Variants in GLYAT observed in about 807,000 individuals in gnomAD.
GLYAT encodes glycine-N-acyltransferase, also known as glycine N-acyltransferase.
GLYAT carries 25 observed loss-of-function variants against 22.8 expected under a neutral mutation model. The observed-to-expected ratio is 1.09, with a 90% CI of 0.80 to 1.53. GLYAT has a LOEUF of 1.53. GLYAT is among the 40% of genes most tolerant of loss of function. The pLI, the probability that GLYAT is intolerant of heterozygous loss-of-function variation, is 0.00. For missense variants in GLYAT, 411 were observed against 353.9 expected (o/e 1.16, Z -1.29); for synonymous variants, 140 against 122.7 (o/e 1.14, Z -0.93).
At chr11:58,712,171 C>T (rs1244776741) in intron 4 of GLYAT, among the ~76,000 whole-genome samples, 1 of 152,228 alleles carries the variant, frequency 6.6e-6, no homozygotes, top group Non-Finnish European at 1.5e-5. Context: ...ATGCAGCAAA[C>T]ATTAACTAAT....
chr11:58,728,053 CTTTT>C (rs1173955703), intron 1 of GLYAT, among the ~76,000 whole-genome samples: 13 of 68,672 alleles, frequency 1.9e-4, no homozygotes, highest in Middle Eastern at 8.5e-3. Context: ...TGCTCTAAAG[CTTTT>C]TTTTTTTTTT....
intron 2 of GLYAT, among the ~76,000 whole-genome samples, chr11:58,720,430 G>A (rs1331861174): frequency 6.6e-6 from 1 of 151,980 alleles, no homozygotes; most frequent in Non-Finnish European, 1.5e-5. Flanking sequence ...AACTGACATT[G>A]CAAGATTATA....
chr11:58,722,241 C>A (rs1346303542), intron 2 of GLYAT, among the ~76,000 whole-genome samples: 1 of 151,966 alleles, frequency 6.6e-6, no homozygotes, highest in African/African-American at 2.4e-5. Context: ...CATCTCCACT[C>A]AGAATGCTCC....
intron 1 of GLYAT, among the ~76,000 whole-genome samples, chr11:58,728,214 C>CA (rs1856829993): frequency 6.6e-6 from 1 of 151,938 alleles, no homozygotes; most frequent in South Asian, 2.1e-4. Context: ...AGGCACGCAA[C>CA]ACCACACCCA....
chr11:58,709,966 C>T lies in GLYAT; in HGVS notation c.691G>A (p.Ala231Thr), dbSNP rs768718220. The T allele has an allele frequency of 1.2e-6, 2 of 1,614,062 alleles. No individual in the cohort carries two copies. The highest frequency in any genetic ancestry group is 1.1e-5 in the South Asian group (1 of 91,086). The change falls in exon 6 of 6, where the codon GCA (alanine) becomes ACA (threonine). Residue 231 changes from alanine (A) to threonine (T), a missense_variant. By Grantham distance (58) the Ala-to-Thr change is moderately conservative (BLOSUM62 0). Transcript: ENST00000344743. The stretch of plus-strand genomic sequence containing the variant: ...AGCCGGTATTCCGGCAAGGTGCCTG[C>T]CATTCTCATCTCTCCAGTCTGGTCC... The part of the protein sequence containing the change: ...LMDQTGEMRM[A>T]GTLPEYRLHG...
chr11:58,728,893 G>GAAAGAAAGAAAGAAAGAAA (rs1590676106), intron 1 of GLYAT, among the ~76,000 whole-genome samples: 354 of 59,692 alleles, frequency 5.9e-3, no homozygotes, highest in Admixed American at 0.014. Flanking sequence ...AAAGAAAGAA[G>GAAAGAAAGAAAGAAAGAAA]GAAGGAAGGA....
At chr11:58,724,832 G>A (rs2134494820) in intron 1 of GLYAT, among the ~76,000 whole-genome samples, 1 of 152,168 alleles carries the variant, frequency 6.6e-6, no homozygotes, top group African/African-American at 2.4e-5. Context: ...CTGAGAACGA[G>A]CTGTGTAACC....
chr11:58,711,890 A>C (rs1483916014), intron 4 of GLYAT, among the ~76,000 whole-genome samples: 1 of 152,218 alleles, frequency 6.6e-6, no homozygotes, highest in Admixed American at 6.5e-5. Context: ...CCTGGTTAAG[A>C]CCAATTATGT....
rs138554074 is a variant in GLYAT at position 58,715,353 on chromosome 11, G to T, written c.152C>A (p.Pro51His). ...FNLKAVVDKW[P>H]DFNTVVVCPQ... ...GCAGACAACCACTGTATTAAAATCA[G>T]GCCACTTGTCCACCACAGCCTTCAG... The change falls in exon 3 of 6, where the codon CCT (proline) becomes CAT (histidine). Residue 51 changes from proline to histidine, a missense_variant. Transcript: ENST00000344743. 1 of 1,595,724 alleles carries T rather than the reference G, an allele frequency of 6.3e-7. No individual in the cohort carries two copies. The highest frequency in any genetic ancestry group is 2.2e-5 in the East Asian group (1 of 44,748).
chr11:58,710,203 AG>A, intron 5 of GLYAT, 35 bp from the exon 6 acceptor site: 1 of 1,569,400 alleles, frequency 6.4e-7, no homozygotes, highest in Non-Finnish European at 8.6e-7. Context: ...AAAATCCATT[AG>A]TATAAAGGTT....
intron 1 of GLYAT, among the ~76,000 whole-genome samples, chr11:58,726,455 T>C (rs1398828324): frequency 6.6e-6 from 1 of 152,084 alleles, no homozygotes. Context: ...GTCTCACTGA[T>C]GGGCAGCCTA....
At chr11:58,726,171 T>C (rs1856809915) in intron 1 of GLYAT, among the ~76,000 whole-genome samples, 1 of 152,056 alleles carries the variant, frequency 6.6e-6, no homozygotes, top group African/African-American at 2.4e-5. Flanking sequence ...CACCTGATGG[T>C]TGCCTGACAT....
chr11:58,722,042 C>T (rs1187106108), intron 2 of GLYAT, among the ~76,000 whole-genome samples: 1 of 152,060 alleles, frequency 6.6e-6, no homozygotes, highest in African/African-American at 2.4e-5. Flanking sequence ...AGAGGTTCCT[C>T]TTCAAAGAGA....
chr11:58,720,485 C>G (rs923919677), intron 2 of GLYAT, among the ~76,000 whole-genome samples: 1 of 151,978 alleles, frequency 6.6e-6, no homozygotes, highest in Non-Finnish European at 1.5e-5. Context: ...CTCCATCTGG[C>G]TTTTAACGTC....
Position 58,715,310 on chromosome 11 carries a change from A to G in GLYAT, c.189+6T>C. On this transcript the variant is annotated splice_donor_region_variant and intron_variant, in intron 3 of 5. Coordinates refer to ENST00000344743, the MANE Select transcript of GLYAT (RefSeq NM_201648.3). ...TATAGAAGAATATTCACACATGGAA[A>G]CTTACCTGCTCCTGAGGGCAGACAA... 7.6e-7 allele frequency: 1 copy of G among 1,318,448 alleles called. No individual in the cohort carries two copies. Among genetic ancestry groups the G allele is most frequent in the Non-Finnish European group, 1.1e-6 (1 of 912,332 alleles). The allele number at this position is 1,318,448 out of a possible 1,614,324, so 81.7% of individuals were successfully genotyped here. A position where few individuals can be genotyped will look rare whatever the true frequency, so the allele number is the denominator to read the frequency against.
rs143809075 is a variant in GLYAT at position 58,726,306 on chromosome 11, G to A, written c.-15-1795C>T. On this transcript the variant is annotated intron_variant, in intron 1 of 5. Transcript: ENST00000344743. Reference sequence around the variant, plus strand: ...CAATTATTTGGGGAATATAGACAAAGGTCAGTCTTCTATAACTGCTTCCTG... The same window carrying A: ...CAATTATTTGGGGAATATAGACAAAAGTCAGTCTTCTATAACTGCTTCCTG... Among the ~76,000 whole-genome samples, 792 of 152,130 alleles carry A rather than the reference G, an allele frequency of 5.2e-3. 13 individuals are homozygous for A. Among genetic ancestry groups the A allele is most frequent in the African/African-American group, 0.017 (692 of 41,524 alleles).
intron 2 of GLYAT, among the ~76,000 whole-genome samples, chr11:58,719,540 G>A (rs967097626): frequency 7.2e-5 from 11 of 151,868 alleles, no homozygotes; most frequent in Non-Finnish European, 1.5e-5. Flanking sequence ...TCAAAATCAG[G>A]CATTACACTC....
Position 58,710,720 on chromosome 11 carries a change from C to A in GLYAT, c.358G>T (p.Ala120Ser). ...SLNEAIQNLA[A>S]IKSFKVKQTQ... ...TGTTTGACTTTGAAGGACTTAATGG[C>A]TGCAAGATTTTGTATAGCCTCATTC... is the stretch of plus-strand genomic sequence containing the variant. Residue 120 changes from alanine to serine, a missense_variant, in exon 5 of 6, where the codon GCC (alanine) becomes TCC (serine). By Grantham distance (99) the Ala-to-Ser change is moderately conservative. Transcript: ENST00000344743. The A allele has an allele frequency of 2.5e-6, 4 of 1,613,054 alleles. No homozygotes were observed. Among genetic ancestry groups the A allele is most frequent in the Non-Finnish European group, 3.4e-6 (4 of 1,179,086 alleles).
At position 58,710,570 on chromosome 11, in the gene GLYAT, C is replaced by T; in HGVS notation, c.488+20G>A. The T allele has an allele frequency of 1.3e-6, 2 of 1,570,314 alleles. No individual in the cohort carries two copies. The highest frequency in any genetic ancestry group is 1.1e-5 in the South Asian group (1 of 90,362). ...ACTTGAGAGGTGTGAGTGGTATAGA[C>T]TGGATTTTATCAAACTCACATGGCC... On this transcript the variant is annotated intron_variant, in intron 5 of 5. Coordinates refer to ENST00000344743, the MANE Select transcript of GLYAT (RefSeq NM_201648.3).
Sources: gnomAD v4.1 joint callset for allele counts (sites outside exome capture counted in the v4.1 genomes callset) on GRCh38, gnomAD v4.1.1 for gene constraint, MANE v1.5 for transcripts, NCBI Gene and HGNC (gene_info 2026-07-23, HGNC 2026-07-21) for gene names.